The following RAB38 variants were observed in gnomAD, a reference collection of about 807,000 sequenced individuals.
RAB38 encodes the protein ras-related protein Rab-38.
In RAB38, 15 loss-of-function variants were observed where a neutral mutation model predicts 18.4. The ratio of observed to expected loss-of-function variants is 0.82; its 90% CI spans 0.55 to 1.26. The LOEUF (loss-of-function observed/expected upper bound fraction) is 1.26. Ranked by LOEUF, RAB38 falls within the 50% of genes most tolerant of loss-of-function variation. RAB38 has a pLI of 0.00. For missense variants in RAB38, 294 were observed against 267.4 expected (o/e 1.10, Z -0.69); for synonymous variants, 101 against 104.4 (o/e 0.97, Z 0.20).
the RAB38 span, among the ~76,000 whole-genome samples, chr11:88,022,622 A>AC: frequency 3.6e-3 from 541 of 148,960 alleles, 3 homozygotes; most frequent in African/African-American, 0.013. Flanking sequence ...AAAAAAAAAA[A>AC]AAAAAAAAAA....
chr11:87,877,517 T>TATCATC, the RAB38 span, among the ~76,000 whole-genome samples: 2 of 151,580 alleles, frequency 1.3e-5, no homozygotes, highest in Non-Finnish European at 3.0e-5. Flanking sequence ...ATATGCCCTC[T>TATCATC]ATCATCCTTC....
chr11:88,037,536 T>C, the RAB38 span, among the ~76,000 whole-genome samples: 1 of 152,126 alleles, frequency 6.6e-6, no homozygotes, highest in Non-Finnish European at 1.5e-5. Flanking sequence ...ACATAGAACA[T>C]TCTCACCTCC....
the RAB38 span, among the ~76,000 whole-genome samples, chr11:87,808,431 T>G: frequency 6.6e-6 from 1 of 152,316 alleles, no homozygotes; most frequent in East Asian, 1.9e-4. Context: ...TCAAGGATAT[T>G]ATGTTAGGCT....
Position 88,113,708 on chromosome 11 carries a change from T to C in RAB38, c.*280A>G. On this transcript the variant is annotated 3_prime_UTR_variant, in exon 3 of 3. Transcript: ENST00000243662. ...GCCTTTGCTGATTAAAAGAAGCAAA[T>C]AACAGTGCCGACTGTGGCCCTGCAG... The C allele has an allele frequency of 3.0e-6, 1 of 337,634 alleles. No homozygotes were observed. The allele number at this position is 337,634 out of a possible 1,614,324, so 20.9% of individuals were successfully genotyped here.
chr11:88,033,429 C>G, the RAB38 span, among the ~76,000 whole-genome samples: 1,000 of 151,326 alleles, frequency 6.6e-3, 7 homozygotes, highest in South Asian at 0.028. Flanking sequence ...CATGGTGAAA[C>G]ACATTGATGA....
At chr11:87,864,315 A>T in the RAB38 span, among the ~76,000 whole-genome samples, 1 of 149,932 alleles carries the variant, frequency 6.7e-6, no homozygotes, top group South Asian at 2.1e-4. Context: ...ACTATATTAT[A>T]ATTATTTATA....
the RAB38 span, among the ~76,000 whole-genome samples, chr11:87,933,393 G>T: frequency 6.6e-6 from 1 of 152,034 alleles, no homozygotes; most frequent in Non-Finnish European, 1.5e-5. Context: ...TACATGAGTA[G>T]AACATGTGTT....
At chr11:88,115,328 AT>A (rs1942535298) in intron 2 of RAB38, 1 of 152,234 alleles carries the variant, frequency 6.6e-6, no homozygotes, top group South Asian at 2.1e-4. Context: ...GGAAATACTT[AT>A]CCCTGATTTT....
At chr11:88,042,222 G>T in the RAB38 span, among the ~76,000 whole-genome samples, 1 of 152,072 alleles carries the variant, frequency 6.6e-6, no homozygotes, top group Non-Finnish European at 1.5e-5. Context: ...TCCAGGTAAC[G>T]ATTCTCCCAA....
At chr11:87,951,749 C>T in the RAB38 span, among the ~76,000 whole-genome samples, 1 of 151,074 alleles carries the variant, frequency 6.6e-6, no homozygotes, top group Non-Finnish European at 1.5e-5. Context: ...CCTGATTGTT[C>T]CTCTGGAAGT....
At chr11:88,047,105 T>G in the RAB38 span, among the ~76,000 whole-genome samples, 1 of 152,188 alleles carries the variant, frequency 6.6e-6, no homozygotes, top group Admixed American at 6.5e-5. Context: ...CAACTTACTC[T>G]CTACAGTTCT....
At chr11:88,080,550 C>T in the RAB38 span, among the ~76,000 whole-genome samples, 2 of 151,436 alleles carry the variant, frequency 1.3e-5, no homozygotes, top group Non-Finnish European at 2.9e-5. Context: ...CAGATTCTAA[C>T]ATTTAAATAG....
the RAB38 span, among the ~76,000 whole-genome samples, chr11:87,929,563 GT>G: frequency 0.23 from 33,999 of 144,920 alleles, 4,330 homozygotes; most frequent in South Asian, 0.45. Context: ...CTTTTTTTTG[GT>G]TTTTTTTTTT....
the RAB38 span, among the ~76,000 whole-genome samples, chr11:88,061,140 G>A: frequency 3.3e-5 from 5 of 152,244 alleles, no homozygotes; most frequent in Admixed American, 6.5e-5. Context: ...ACAATCATGC[G>A]ATATTGACAG....
At chr11:87,932,591 C>T in the RAB38 span, among the ~76,000 whole-genome samples, 2 of 152,086 alleles carry the variant, frequency 1.3e-5, no homozygotes, top group Admixed American at 6.6e-5. Context: ...AGATACATCT[C>T]ACTTAGATCC....
Position 88,143,186 on chromosome 11 carries a change from T to C in RAB38, c.483+6489A>G, listed in dbSNP as rs895873688. On this transcript the variant is annotated intron_variant, in intron 2 of 2. Coordinates refer to ENST00000243662, the MANE Select transcript of RAB38 (RefSeq NM_022337.3). ...GCTAGTCACTCTCTAATTTAAACTT[T>C]AATTGCTTCATCTGTGAACAGAAAA... 3.9e-5 allele frequency among the ~76,000 whole-genome samples: 6 copies of C among 152,228 alleles called. No homozygotes were observed. The South Asian group carries it at 6.2e-4, about 16-fold the overall frequency.
At chr11:88,144,124 A>G (rs1942951567) in intron 2 of RAB38, among the ~76,000 whole-genome samples, 1 of 152,188 alleles carries the variant, frequency 6.6e-6, no homozygotes, top group Admixed American at 6.5e-5. Context: ...TCACTATTAA[A>G]CACAGCCATC....
chr11:87,952,012 G>A, the RAB38 span, among the ~76,000 whole-genome samples: 1 of 152,174 alleles, frequency 6.6e-6, no homozygotes, highest in African/African-American at 2.4e-5. Flanking sequence ...GCCATCCTTG[G>A]CTCCTCCCCT....
At chr11:88,110,608 G>A (rs1169238557), downstream of RAB38, among the ~76,000 whole-genome samples, 2 of 152,066 alleles carry the variant, frequency 1.3e-5, no homozygotes, top group Non-Finnish European at 2.9e-5. Context: ...TATGAGGTCA[G>A]GAGTTCGAGA....
Sources: gnomAD v4.1 joint callset for allele counts (sites outside exome capture counted in the v4.1 genomes callset) on GRCh38, gnomAD v4.1.1 for gene constraint, MANE v1.5 for transcripts, NCBI Gene and HGNC (gene_info 2026-07-23, HGNC 2026-07-21) for gene names.